The following SLC38A12 variants were observed in gnomAD, a reference collection of about 807,000 sequenced individuals.
SLC38A12 encodes solute carrier family 38 member 12.
chr17:74,828,708 G>C, the SLC38A12 span, among the ~76,000 whole-genome samples: 1 of 152,166 alleles, frequency 6.6e-6, no homozygotes, highest in Non-Finnish European at 1.5e-5. Flanking sequence ...GTCACAGCCC[G>C]GGGGTACTCA....
At chr17:74,836,741 C>G in the SLC38A12 span, 2 of 1,525,716 alleles carry the variant, frequency 1.3e-6, no homozygotes, top group Non-Finnish European at 1.8e-6. The surrounding 1 kb of genome is among the most constrained non-coding windows in gnomAD (Gnocchi z 4.2). Context: ...AGCCCCACCC[C>G]TCGCCCGCAG....
At chr17:74,791,619 C>T in the SLC38A12 span, among the ~76,000 whole-genome samples, 3 of 152,266 alleles carry the variant, frequency 2.0e-5, no homozygotes, top group Non-Finnish European at 4.4e-5. Context: ...CTAGAATCTG[C>T]TATGCGCACG....
the SLC38A12 span, chr17:74,785,480 A>G: frequency 6.2e-7 from 1 of 1,608,874 alleles, no homozygotes; most frequent in Non-Finnish European, 8.5e-7. Flanking sequence ...TGTCGGTTCC[A>G]GGTTGGGCTG....
At chr17:74,786,947 G>A in the SLC38A12 span, among the ~76,000 whole-genome samples, 14 of 152,144 alleles carry the variant, frequency 9.2e-5, no homozygotes, top group East Asian at 3.9e-4. Flanking sequence ...ACCACACCCC[G>A]CTCCTTGCTC....
the SLC38A12 span, chr17:74,838,825 C>T: frequency 6.6e-7 from 1 of 1,521,570 alleles, no homozygotes; most frequent in South Asian, 1.2e-5. Flanking sequence ...CGGCACGTTT[C>T]ACTGCAGCCA....
the SLC38A12 span, among the ~76,000 whole-genome samples, chr17:74,800,473 C>T: frequency 5.3e-5 from 8 of 152,370 alleles, no homozygotes; most frequent in East Asian, 3.9e-4. Flanking sequence ...GTTCTTCTAG[C>T]GTCAGCCACT....
chr17:74,786,168 C>T, the SLC38A12 span, among the ~76,000 whole-genome samples: 1 of 152,088 alleles, frequency 6.6e-6, no homozygotes, highest in Non-Finnish European at 1.5e-5. Flanking sequence ...GCCTCACCAG[C>T]CGGTGCTTCA....
At chr17:74,783,330 G>A in the SLC38A12 span, among the ~76,000 whole-genome samples, 4 of 152,210 alleles carry the variant, frequency 2.6e-5, no homozygotes, top group South Asian at 2.1e-4. Context: ...TAGTAACAGG[G>A]AAAAGAGAAA....
chr17:74,825,682 A>T, the SLC38A12 span, among the ~76,000 whole-genome samples: 1 of 152,222 alleles, frequency 6.6e-6, no homozygotes, highest in Non-Finnish European at 1.5e-5. Context: ...AGTGCCCAGG[A>T]GGTCGGTGGC....
At chr17:74,794,673 C>T in the SLC38A12 span, among the ~76,000 whole-genome samples, 15 of 152,212 alleles carry the variant, frequency 9.9e-5, no homozygotes, top group East Asian at 5.8e-4. Flanking sequence ...GCTCCTGACT[C>T]GGGACATCTC....
At chr17:74,827,135 GT>G in the SLC38A12 span, among the ~76,000 whole-genome samples, 1 of 151,938 alleles carries the variant, frequency 6.6e-6, no homozygotes, top group Non-Finnish European at 1.5e-5. This position sits in a 1 kb window ranked among gnomAD's most constrained non-coding sequence, Gnocchi z 4.7. Flanking sequence ...CACTGACACA[GT>G]TTTTTCTGCT....
At chr17:74,808,554 G>T in the SLC38A12 span, among the ~76,000 whole-genome samples, 1 of 152,160 alleles carries the variant, frequency 6.6e-6, no homozygotes, top group Non-Finnish European at 1.5e-5. Context: ...CGTCTTCCCT[G>T]CCCCGGGGCA....
chr17:74,805,231 G>T, the SLC38A12 span, among the ~76,000 whole-genome samples: 12 of 152,342 alleles, frequency 7.9e-5, no homozygotes, highest in African/African-American at 2.9e-4. This position sits in a 1 kb window ranked among gnomAD's most constrained non-coding sequence, Gnocchi z 5.0. Context: ...GCTGTCAAGG[G>T]CTTCCCGTGC....
the SLC38A12 span, chr17:74,795,613 A>G: frequency 6.2e-6 from 10 of 1,613,738 alleles, no homozygotes; most frequent in East Asian, 2.2e-5. Flanking sequence ...CGCCGAGTGG[A>G]CGCCTACCGC....
chr17:74,781,436 C>CA, the SLC38A12 span, among the ~76,000 whole-genome samples: 1 of 152,096 alleles, frequency 6.6e-6, no homozygotes, highest in Non-Finnish European at 1.5e-5. Flanking sequence ...AGGCACTTGC[C>CA]ACCGTCCCCG....
the SLC38A12 span, among the ~76,000 whole-genome samples, chr17:74,778,859 G>C: frequency 6.6e-6 from 1 of 151,866 alleles, no homozygotes; most frequent in Non-Finnish European, 1.5e-5. Flanking sequence ...GTAGAGACAG[G>C]GTTTCACCAT....
chr17:74,795,038 A>T, the SLC38A12 span: 1 of 1,613,802 alleles, frequency 6.2e-7, no homozygotes, highest in South Asian at 1.1e-5. Flanking sequence ...CTATTTCTGC[A>T]TCATCGTTTA....
At chr17:74,795,652 T>C in the SLC38A12 span, 1 of 1,598,064 alleles carries the variant, frequency 6.3e-7, no homozygotes, top group Non-Finnish European at 8.6e-7. Flanking sequence ...TGTGCCTCTG[T>C]GCCGCCTGCC....
At chr17:74,814,716 C>G in the SLC38A12 span, among the ~76,000 whole-genome samples, 1 of 152,152 alleles carries the variant, frequency 6.6e-6, no homozygotes, top group Non-Finnish European at 1.5e-5. Flanking sequence ...TTCACCCACT[C>G]TAGCAGGCAC....
Sources: allele counts gnomAD v4.1 joint callset (sites outside exome capture counted in the v4.1 genomes callset), GRCh38; gene constraint gnomAD v4.1.1; non-coding constraint Gnocchi (gnomAD v3.1); transcripts MANE v1.5; gene names NCBI Gene and HGNC (gene_info 2026-07-23, HGNC 2026-07-21).